Variants in NLGN4X observed in about 807,000 individuals in gnomAD.
NLGN4X encodes the protein neuroligin-4, X-linked.
In NLGN4X, 3 loss-of-function variants were observed where a neutral mutation model predicts 40.3. The observed-to-expected ratio is 0.07, with a 90% CI of 0.03 to 0.19. The LOEUF is 0.19. NLGN4X is among the 10% of genes least tolerant of loss of function. NLGN4X has a pLI of 1.00. For synonymous variants in NLGN4X, 270 were observed against 306.8 expected (o/e 0.88, Z 1.25); for missense variants, 382 against 708.3 (o/e 0.54, Z 5.23).
intron 1 of NLGN4X, among the ~76,000 whole-genome samples, chrX:6,222,706 C>A (rs1257605058): frequency 8.9e-6 from 1 of 112,655 alleles, no homozygotes; most frequent in Non-Finnish European, 1.9e-5. Context: ...CAAACCTCAT[C>A]TTGGATTGTA....
intron 2 of NLGN4X, among the ~76,000 whole-genome samples, chrX:6,060,167 T>C (rs191796987): frequency 2.5e-3 from 278 of 112,082 alleles, no homozygotes; most frequent in African/African-American, 8.2e-3. Flanking sequence ...GGGAAAAAGG[T>C]AACTGATTTA....
chrX:6,013,492 A>T (rs956378572), intron 3 of NLGN4X, among the ~76,000 whole-genome samples: 1 of 108,241 alleles, frequency 9.2e-6, no homozygotes, highest in African/African-American at 3.3e-5. Flanking sequence ...GCAACGGCTA[A>T]TCATTCAGAA....
chrX:5,979,555 TA>T (rs965870492), intron 3 of NLGN4X, among the ~76,000 whole-genome samples: 1 of 110,402 alleles, frequency 9.1e-6, no homozygotes, highest in Non-Finnish European at 1.9e-5. Context: ...TGTGTAGTGG[TA>T]TTTCACTGTG....
At chrX:5,925,031 AT>A (rs1176999664) in intron 3 of NLGN4X, among the ~76,000 whole-genome samples, 1 of 111,668 alleles carries the variant, frequency 9.0e-6, no homozygotes, top group East Asian at 2.8e-4. Flanking sequence ...TAAAGTCCCA[AT>A]TCATTAATAA....
chrX:5,986,041 CAT>C, intron 3 of NLGN4X, among the ~76,000 whole-genome samples: 1 of 111,659 alleles, frequency 9.0e-6, no homozygotes, highest in African/African-American at 3.3e-5. Context: ...CATCCATAAA[CAT>C]CGTGGGAAAA....
intron 1 of NLGN4X, among the ~76,000 whole-genome samples, chrX:6,213,261 C>T (rs1452690089): frequency 1.8e-5 from 2 of 111,759 alleles, no homozygotes; most frequent in East Asian, 5.7e-4. Flanking sequence ...CTGTCTAAAA[C>T]ATCAGACTGG....
rs1569106730 is a variant in NLGN4X at position 5,890,704 on chromosome X, G to T, written c.*2113C>A. 23 of 317,061 alleles carry T rather than the reference G, an allele frequency of 7.3e-5. No individual in the cohort carries two copies. The highest frequency in any genetic ancestry group is 5.9e-4 in the South Asian group (21 of 35,578). 26.1% of individuals were successfully genotyped at this position (317,061 alleles called of 1,213,427 possible). ...TACCATGACACCTCTCTGTAGGAAA[G>T]AAATGTTGCTTCACGTGTGCTAAGT... On this transcript the variant is annotated 3_prime_UTR_variant, in exon 6 of 6. Transcript: ENST00000381095.
At position 5,891,678 on chromosome X, in the gene NLGN4X, G is replaced by T; in HGVS notation, c.*1139C>A. On this transcript the variant is annotated 3_prime_UTR_variant, in exon 6 of 6. Coordinates refer to ENST00000381095, the MANE Select transcript of NLGN4X (RefSeq NM_181332.3). ...TTCAAAGGGCCAGAGCTACAGAACG[G>T]GACTTGTATTTTTGTTTCTCCCTAC... 1 of 192,260 alleles carries T rather than the reference G, an allele frequency of 5.2e-6. No homozygotes were observed. The allele number at this position is 192,260 out of a possible 1,213,427, so 15.8% of individuals were successfully genotyped here.
intron 2 of NLGN4X, among the ~76,000 whole-genome samples, chrX:6,120,253 C>G (rs927645461): frequency 9.0e-6 from 1 of 111,541 alleles, no homozygotes; most frequent in African/African-American, 3.3e-5. Flanking sequence ...TAAAAAATGG[C>G]CCATCGACAA....
At chrX:5,991,174 G>A (rs1265976989) in intron 3 of NLGN4X, among the ~76,000 whole-genome samples, 1 of 111,061 alleles carries the variant, frequency 9.0e-6, no homozygotes, top group Non-Finnish European at 1.9e-5. Flanking sequence ...TTCTCCCTGT[G>A]AGATTCAAAT....
intron 1 of NLGN4X, among the ~76,000 whole-genome samples, chrX:6,170,875 G>A (rs920731138): frequency 9.0e-6 from 1 of 111,584 alleles, no homozygotes; most frequent in African/African-American, 3.3e-5. Context: ...CCAGGCTGGA[G>A]TGCAATGGTA....
chrX:5,960,314 T>G (rs1249935507), intron 3 of NLGN4X, among the ~76,000 whole-genome samples: 11 of 108,122 alleles, frequency 1.0e-4, no homozygotes, highest in Non-Finnish European at 3.8e-5. Flanking sequence ...TGTGTGTGTG[T>G]GGGTGGTAAA....
intron 3 of NLGN4X, among the ~76,000 whole-genome samples, chrX:6,010,513 T>TTATTATTATTATTATTATTATTATTA (rs2036219317): frequency 2.1e-5 from 2 of 95,413 alleles, no homozygotes; most frequent in Non-Finnish European, 2.1e-5. Context: ...TTCTTTTTAT[T>TTATTATTATTATTATTATTATTATTA]TTATTATTAT....
chrX:6,153,182 C>G (rs2040199682), intron 1 of NLGN4X, among the ~76,000 whole-genome samples: 1 of 110,887 alleles, frequency 9.0e-6, no homozygotes, highest in Non-Finnish European at 1.9e-5. Context: ...TTTAAGTAAT[C>G]AGTTGAACAG....
Position 6,060,775 on chromosome X carries a change from A to C in NLGN4X, c.473-31343T>G, listed in dbSNP as rs149556848. ...ATCTTTTGTGCCTCCTCTTTTCATA[A>C]GAGAATAATGATAGGAACCCAATAT... On this transcript the variant is annotated intron_variant, in intron 2 of 5. Coordinates refer to ENST00000381095, the MANE Select transcript of NLGN4X (RefSeq NM_181332.3). Among the ~76,000 whole-genome samples, 255 of 112,050 alleles carry C rather than the reference A, an allele frequency of 2.3e-3. 1 individual carries two copies. Among genetic ancestry groups the C allele is most frequent in the African/African-American group, 7.3e-3 (226 of 30,882 alleles).
chrX:6,109,555 T>C (rs910527850), intron 2 of NLGN4X, among the ~76,000 whole-genome samples: 1 of 111,841 alleles, frequency 8.9e-6, no homozygotes, highest in Admixed American at 9.5e-5. Context: ...ATTAATGAAT[T>C]GATTCACTGA....
At chrX:6,222,694 A>C (rs966618220) in intron 1 of NLGN4X, among the ~76,000 whole-genome samples, 22 of 112,472 alleles carry the variant, frequency 2.0e-4, no homozygotes, top group African/African-American at 6.8e-4. Flanking sequence ...CTTTGTCCCC[A>C]CCAAACCTCA....
intron 3 of NLGN4X, among the ~76,000 whole-genome samples, chrX:5,928,809 G>A (rs1020786870): frequency 9.1e-5 from 10 of 109,579 alleles, no homozygotes; most frequent in Non-Finnish European, 1.7e-4. Context: ...AATCACCTTA[G>A]CCCTGTCATA....
chrX:5,961,633 C>A (rs1050898073), intron 3 of NLGN4X, among the ~76,000 whole-genome samples: 2 of 111,707 alleles, frequency 1.8e-5, no homozygotes, highest in Admixed American at 9.5e-5. Context: ...AAAGTCAGCA[C>A]AGCCATTTAC....
Sources: allele counts gnomAD v4.1 joint callset (sites outside exome capture counted in the v4.1 genomes callset), GRCh38; gene constraint gnomAD v4.1.1; transcripts MANE v1.5; gene names NCBI Gene and HGNC (gene_info 2026-07-23, HGNC 2026-07-21).